WDR88: variants seen among roughly 807,000 people sequenced by gnomAD.
The protein encoded by WDR88 is WD repeat-containing protein 88.
Under a neutral mutation model 46.8 loss-of-function variants are expected in WDR88, and 40 were observed. That is an observed-to-expected ratio of 0.86 (90% CI 0.66 to 1.11). WDR88 has a LOEUF of 1.11. Ranked by LOEUF, WDR88 falls within the 50% of genes most tolerant of loss-of-function variation. The pLI, the probability that WDR88 is intolerant of heterozygous loss-of-function variation, is 0.00. For synonymous variants in WDR88, 235 were observed against 240.7 expected (o/e 0.98, Z 0.22); for missense variants, 562 against 602.4 (o/e 0.93, Z 0.70).
chr19:33,151,186 C>T lies in WDR88; in HGVS notation c.685C>T (p.His229Tyr). The stretch of plus-strand genomic sequence containing the variant: ...CTTTCCTCCGTGTTCTGCAGATCAT[C>T]ACACAAGGTCCATCACGTCATGCTG... ...ITTVSVIKDH[H>Y]TRSITSCCFD... The change falls in exon 6 of 11, where the codon CAC becomes TAC. Residue 229 changes from histidine (H) to tyrosine (Y), a missense_variant. Physicochemically the swap from His to Tyr is moderately conservative, Grantham distance 83 (BLOSUM62 2). Coordinates refer to ENST00000355868, the MANE Select transcript of WDR88 (RefSeq NM_173479.4). 3 of 1,613,454 alleles carry T rather than the reference C, an allele frequency of 1.9e-6. No individual in the cohort carries two copies. The highest frequency in any genetic ancestry group is 2.5e-6 in the Non-Finnish European group (3 of 1,179,682).
chr19:33,154,431 G>A (rs183886179), intron 6 of WDR88, among the ~76,000 whole-genome samples: 1 of 152,144 alleles, frequency 6.6e-6, no homozygotes, highest in African/African-American at 2.4e-5. Context: ...GTGTCTATGT[G>A]TTCTCACTGT....
chr19:33,152,443 G>A (rs1568365305), intron 6 of WDR88, among the ~76,000 whole-genome samples: 1 of 151,904 alleles, frequency 6.6e-6, no homozygotes, highest in Non-Finnish European at 1.5e-5. Flanking sequence ...CCTGGGTAAT[G>A]TTTATTCTAC....
intron 6 of WDR88, among the ~76,000 whole-genome samples, chr19:33,155,908 G>C (rs1973725708): frequency 6.6e-6 from 1 of 152,202 alleles, no homozygotes; most frequent in South Asian, 2.1e-4. Context: ...CCACAACTCT[G>C]AGTGACCCAG....
In WDR88 at chr19:33,175,625, T is replaced by C. The variant is rs995779331; in HGVS notation, c.*53T>C. ...AGCACAGGCTACCTAGCATGTAGGT[T>C]TCGGGGCTTTGCAGGGGCTTTCTCT... is the stretch of plus-strand genomic sequence containing the variant. On this transcript the variant is annotated 3_prime_UTR_variant, in exon 11 of 11. Transcript: ENST00000355868. 1 of 1,603,222 alleles carries C rather than the reference T, an allele frequency of 6.2e-7. No homozygotes were observed. The highest frequency in any genetic ancestry group is 1.3e-5 in the African/African-American group (1 of 74,552).
chr19:33,143,337 CAAAAAAAAAAAAAAA>C (rs59380405), intron 2 of WDR88, among the ~76,000 whole-genome samples: 2 of 49,350 alleles, frequency 4.1e-5, no homozygotes, highest in Non-Finnish European at 7.7e-5. Context: ...GATCCAGTGT[CAAAAAAAAAAAAAAA>C]AAAAAAAAAG....
At chr19:33,172,690 T>G (rs1025370530) in intron 10 of WDR88, among the ~76,000 whole-genome samples, 5 of 152,046 alleles carry the variant, frequency 3.3e-5, no homozygotes, top group African/African-American at 1.2e-4. Flanking sequence ...GTAGGAGTGC[T>G]GGAGGTTGCA....
chr19:33,173,920 G>A lies in WDR88; in HGVS notation c.1243-1476G>A, dbSNP rs146831359. The stretch of plus-strand genomic sequence containing the variant: ...GGCTGGAGTGCAGTGGCGCGATCTC[G>A]TCTCACTGCAACCTCCGCCTCCCGG... On this transcript the variant is annotated intron_variant, in intron 10 of 10. Transcript: ENST00000355868. Among the ~76,000 whole-genome samples the A allele has an allele frequency of 4.5e-3, 678 of 152,236 alleles. 4 individuals carry two copies. The highest frequency in any genetic ancestry group is 7.2e-3 in the Non-Finnish European group (487 of 68,014).
chr19:33,132,299 C>T lies in WDR88; in HGVS notation c.130C>T (p.Arg44Cys), dbSNP rs773116014. Reference protein sequence around the residue: ...SWGTMARALGRFKLSIPHTHL... With the variant: ...SWGTMARALGCFKLSIPHTHL... ...GGGGACCATGGCGAGGGCCTTAGGC[C>T]GCTTCAAGCTGTCGATCCCGCACAC... Residue 44 changes from arginine (R) to cysteine (C), a missense_variant, in exon 1 of 11, where the codon CGC (arginine) becomes TGC (cysteine). Transcript: ENST00000355868. 3.7e-6 allele frequency: 6 copies of T among 1,613,776 alleles called. No homozygotes were observed. The highest frequency in any genetic ancestry group is 2.2e-5 in the South Asian group (2 of 91,092).
chr19:33,151,944 T>A (rs1973641881), intron 6 of WDR88, among the ~76,000 whole-genome samples: 1 of 150,728 alleles, frequency 6.6e-6, no homozygotes, highest in African/African-American at 2.4e-5. Context: ...TTTAAAAAAA[T>A]TTTGGGGCTG....
At chr19:33,146,023 G>T (rs1335137084) in intron 3 of WDR88, among the ~76,000 whole-genome samples, 1 of 152,036 alleles carries the variant, frequency 6.6e-6, no homozygotes, top group African/African-American at 2.4e-5. Flanking sequence ...CGGGTGTAGA[G>T]ATCCCTTTAG....
chr19:33,137,276 T>A (rs1212850458), intron 1 of WDR88, among the ~76,000 whole-genome samples: 1 of 129,440 alleles, frequency 7.7e-6, no homozygotes, highest in Non-Finnish European at 1.6e-5. Flanking sequence ...TTTTTTCAGA[T>A]GGAATCTCAC....
chr19:33,174,794 G>A (rs1284632970), intron 10 of WDR88: 18 of 985,320 alleles, frequency 1.8e-5, no homozygotes, highest in Non-Finnish European at 1.9e-5. Context: ...TGCCACGCAT[G>A]TCCTCAGGAC....
At chr19:33,135,310 C>T (rs761327323) in intron 1 of WDR88, among the ~76,000 whole-genome samples, 3 of 152,222 alleles carry the variant, frequency 2.0e-5, no homozygotes, top group Non-Finnish European at 2.9e-5. Context: ...TCTCTTGTGA[C>T]TGGCTTCATT....
chr19:33,155,069 T>A (rs1973708543), intron 6 of WDR88, among the ~76,000 whole-genome samples: 1 of 152,158 alleles, frequency 6.6e-6, no homozygotes, highest in East Asian at 1.9e-4. Context: ...AAACAAAAAG[T>A]GGCAAAATAC....
chr19:33,140,516 G>A (rs1178741398), intron 2 of WDR88, among the ~76,000 whole-genome samples: 4 of 152,144 alleles, frequency 2.6e-5, no homozygotes, highest in African/African-American at 7.2e-5. Context: ...TCGGCTGGGC[G>A]CAGTGGCTCA....
At chr19:33,144,193 A>G (rs548252433) in intron 2 of WDR88, among the ~76,000 whole-genome samples, 1 of 152,090 alleles carries the variant, frequency 6.6e-6, no homozygotes, top group East Asian at 1.9e-4. Flanking sequence ...CCCACAACCC[A>G]AGACGATCAT....
chr19:33,172,736 G>A (rs1974058970), intron 10 of WDR88, among the ~76,000 whole-genome samples: 1 of 152,090 alleles, frequency 6.6e-6, no homozygotes, highest in Non-Finnish European at 1.5e-5. Flanking sequence ...GTCTCATTGA[G>A]GACTGACAGC....
At chr19:33,167,282 A>G (rs1973967943) in intron 9 of WDR88, among the ~76,000 whole-genome samples, 1 of 152,182 alleles carries the variant, frequency 6.6e-6, no homozygotes, top group East Asian at 1.9e-4. Flanking sequence ...AATATATTAC[A>G]TTAATAGAAC....
intron 5 of WDR88, 66 bp from the exon 6 acceptor site, chr19:33,151,115 G>T: frequency 1.3e-6 from 2 of 1,555,754 alleles, no homozygotes; most frequent in Non-Finnish European, 8.7e-7. Flanking sequence ...TGGGGAAGTC[G>T]TGGGAGTCCT....
Sources: gnomAD v4.1 joint callset for allele counts (sites outside exome capture counted in the v4.1 genomes callset) on GRCh38, gnomAD v4.1.1 for gene constraint, MANE v1.5 for transcripts, NCBI Gene and HGNC (gene_info 2026-07-23, HGNC 2026-07-21) for gene names.